Variants in MED12L observed in about 807,000 individuals in gnomAD.
MED12L encodes mediator of RNA polymerase II transcription subunit 12-like protein.
A neutral mutation model predicts 281.3 loss-of-function variants in MED12L; 60 were observed. That is an observed-to-expected ratio of 0.21 (90% CI 0.17 to 0.26). MED12L has a LOEUF of 0.26. Ranked by LOEUF, MED12L falls within the 10% of genes least tolerant of loss-of-function variation. The pLI is 1.00. For missense variants in MED12L, 2,146 were observed against 2,680.9 expected (o/e 0.80, Z 4.41); for synonymous variants, 974 against 987.2 (o/e 0.99, Z 0.25).
At chr3:151,196,041 T>A (rs1724609350) in intron 16 of MED12L, among the ~76,000 whole-genome samples, 1 of 152,254 alleles carries the variant, frequency 6.6e-6, no homozygotes, top group Admixed American at 6.5e-5. Flanking sequence ...TGTCTGGGTG[T>A]CAGAGCTGGA....
chr3:151,332,094 G>A (rs1750416998), intron 16 of MED12L, among the ~76,000 whole-genome samples: 1 of 152,200 alleles, frequency 6.6e-6, no homozygotes, highest in Admixed American at 6.5e-5. Context: ...TGTAAATTGA[G>A]TGAAAGCAGT....
intron 5 of MED12L, among the ~76,000 whole-genome samples, chr3:151,135,004 A>G (rs1353886666): frequency 6.6e-6 from 1 of 152,172 alleles, no homozygotes; most frequent in Non-Finnish European, 1.5e-5. Flanking sequence ...GTAAAAAAAT[A>G]AGGATAATTG....
intron 5 of MED12L, among the ~76,000 whole-genome samples, chr3:151,152,532 G>A (rs1233431874): frequency 6.6e-6 from 1 of 152,150 alleles, no homozygotes; most frequent in African/African-American, 2.4e-5. Flanking sequence ...ATTGGTGACA[G>A]CAGGTGCTGT....
chr3:151,329,146 T>C (rs973183139), intron 16 of MED12L: 28 of 659,302 alleles, frequency 4.2e-5, no homozygotes, highest in African/African-American at 1.3e-4. Flanking sequence ...AATAGATGTG[T>C]TGAAAAGGAA....
rs61576895 is a variant in MED12L, at chr3:151,278,008, C to T, written c.2251-72051C>T. Among the ~76,000 whole-genome samples the T allele has an allele frequency of 8.3e-3, 1,266 of 152,284 alleles. 19 individuals carry two copies. Among genetic ancestry groups the T allele is most frequent in the African/African-American group, 0.029 (1,190 of 41,556 alleles). On this transcript the variant is annotated intron_variant, in intron 16 of 44. Transcript: ENST00000687756. ...GGATGAATACCTTTTAAACATTTTC[C>T]TTGATATCTCTTCATCACAGATATA...
intron 23 of MED12L, among the ~76,000 whole-genome samples, chr3:151,367,444 A>G (rs1755423218): frequency 6.6e-6 from 1 of 152,214 alleles, no homozygotes; most frequent in African/African-American, 2.4e-5. Context: ...CAGCATTGGA[A>G]TGTGGGTAAA....
intron 16 of MED12L, among the ~76,000 whole-genome samples, chr3:151,272,708 A>G (rs1741172240): frequency 6.6e-6 from 1 of 152,176 alleles, no homozygotes; most frequent in Non-Finnish European, 1.5e-5. Flanking sequence ...AGGTGGGGAC[A>G]TCTGTGGATA....
intron 16 of MED12L, among the ~76,000 whole-genome samples, chr3:151,332,050 CAATGTTT>C (rs1434678376): frequency 6.6e-6 from 1 of 152,116 alleles, no homozygotes; most frequent in African/African-American, 2.4e-5. Flanking sequence ...CAATCAGCCA[CAATGTTT>C]AATGGACTTG....
At chr3:151,356,149 T>C (rs1994730) in intron 19 of MED12L, 110 bp downstream of exon 19, 808,790 of 1,150,884 alleles carry the variant, frequency 0.7, 288,648 homozygotes, top group African/African-American at 0.92. Flanking sequence ...CTTGTAATCC[T>C]GGCACTTTGG....
intron 2 of MED12L, among the ~76,000 whole-genome samples, chr3:151,108,263 G>C (rs1711496069): frequency 1.3e-5 from 2 of 151,824 alleles, no homozygotes; most frequent in South Asian, 4.2e-4. Flanking sequence ...TGGGTGGGAG[G>C]GGGGTTGTAG....
Position 151,349,968 on chromosome 3 carries a change from T to C in MED12L, c.2251-91T>C, listed in dbSNP as rs1036899547. On this transcript the variant is annotated intron_variant, in intron 16 of 44. Coordinates refer to ENST00000687756, the MANE Select transcript of MED12L (RefSeq NM_001393769.1). ...GGGATGCCACCACCGCAAGCCAGCA[T>C]GGAGGTGCTGTGGTCAGTGCATTTC... is the stretch of plus-strand genomic sequence containing the variant. The C allele has an allele frequency of 3.1e-5, 37 of 1,183,216 alleles. 2 individuals carry two copies. The highest frequency in any genetic ancestry group is 2.3e-4 in the South Asian group (13 of 56,476). 73.3% of individuals were successfully genotyped at this position (1,183,216 alleles called of 1,614,324 possible).
chr3:151,402,980 T>G (rs1715866883), intron 39 of MED12L, among the ~76,000 whole-genome samples: 1 of 152,066 alleles, frequency 6.6e-6, no homozygotes, highest in African/African-American at 2.4e-5. Flanking sequence ...AACATAATGG[T>G]AACACCCCTG....
intron 19 of MED12L, 48 bp downstream of exon 19, chr3:151,356,087 C>T: frequency 1.3e-6 from 2 of 1,577,240 alleles, no homozygotes; most frequent in African/African-American, 1.4e-5. Context: ...GCAAATCCAC[C>T]AGGCATTGTG....
chr3:151,157,383 A>G (rs16863188), intron 6 of MED12L, among the ~76,000 whole-genome samples: 7,103 of 152,220 alleles, frequency 0.047, 529 homozygotes, highest in African/African-American at 0.16. Flanking sequence ...GAAGACATGT[A>G]TATGCAGAAA....
intron 16 of MED12L, among the ~76,000 whole-genome samples, chr3:151,348,437 C>T (rs11715892): frequency 0.18 from 27,792 of 151,410 alleles, 3,162 homozygotes; most frequent in South Asian, 0.33. Flanking sequence ...TCAGCTCATT[C>T]AGATGCGCAG....
intron 26 of MED12L, among the ~76,000 whole-genome samples, chr3:151,371,739 A>C: frequency 6.6e-6 from 1 of 152,326 alleles, no homozygotes; most frequent in South Asian, 2.1e-4. Flanking sequence ...AAAAGGCAAA[A>C]GTTTGAAGGC....
chr3:151,335,593 A>G (rs1460222590), intron 16 of MED12L, among the ~76,000 whole-genome samples: 3 of 152,194 alleles, frequency 2.0e-5, no homozygotes, highest in Non-Finnish European at 2.9e-5. Flanking sequence ...ACCTGAGTCT[A>G]CAGAATTTGG....
intron 2 of MED12L, among the ~76,000 whole-genome samples, chr3:151,097,877 A>C (rs1326040170): frequency 6.6e-6 from 1 of 152,190 alleles, no homozygotes; most frequent in African/African-American, 2.4e-5. Flanking sequence ...TGAGGAGCAC[A>C]ATGTTTCAGA....
rs1353207159 is a variant in MED12L at position 151,433,692 on chromosome 3, CT to C, written c.*890del. On this transcript the variant is annotated 3_prime_UTR_variant, in exon 45 of 45. Coordinates refer to ENST00000687756, the MANE Select transcript of MED12L (RefSeq NM_001393769.1). ...GGGGAAAAAAAAATCCAGTAGCTGG[CT>C]TGAGATTCCAGTGCTCACACTTGAC... The C allele has an allele frequency of 2.0e-5, 3 of 152,650 alleles. No homozygotes were observed. The highest frequency in any genetic ancestry group is 7.2e-5 in the African/African-American group (3 of 41,456). The allele number at this position is 152,650 out of a possible 1,614,324, so 9.5% of individuals were successfully genotyped here.
Sources: gnomAD v4.1 joint callset for allele counts (sites outside exome capture counted in the v4.1 genomes callset) on GRCh38, gnomAD v4.1.1 for gene constraint, MANE v1.5 for transcripts, NCBI Gene and HGNC (gene_info 2026-07-23, HGNC 2026-07-21) for gene names.